DPP10: variants seen among roughly 807,000 people sequenced by gnomAD.
DPP10 encodes dipeptidyl peptidase like 10, also known as inactive dipeptidyl peptidase 10.
In DPP10, 33 loss-of-function variants were observed where a neutral mutation model predicts 120.9. That is an observed-to-expected ratio of 0.27 (90% CI 0.21 to 0.37). DPP10 has a LOEUF of 0.37. Ranked by LOEUF, DPP10 falls within the 10% of genes least tolerant of loss-of-function variation. The probability of loss-of-function intolerance (pLI) is 1.00; values close to 1 mark genes in which losing one functional copy is unlikely to be tolerated. For synonymous variants in DPP10, 337 were observed against 326.1 expected, an observed-to-expected ratio of 1.03 and a Z score of -0.36; for missense variants, 816 against 942.8, an observed-to-expected ratio of 0.87 and a Z score of 1.76.
rs566423422 is a variant in DPP10 at position 115,596,631 on chromosome 2, A to C, written c.441+70659A>C. Reference sequence around the variant, plus strand: ...ACCCCAAATGTGCAATTCTAAAGGGACAGCTCTTGTAAAACAAAGTAGAAA... The same window carrying C: ...ACCCCAAATGTGCAATTCTAAAGGGCCAGCTCTTGTAAAACAAAGTAGAAA... On this transcript the variant is annotated intron_variant, in intron 5 of 25. Transcript: ENST00000410059. Among the ~76,000 whole-genome samples the C allele has an allele frequency of 2.6e-5, 4 of 152,244 alleles. No individual in the cohort carries two copies. In the South Asian group the frequency reaches 8.3e-4, roughly 32 times the overall value.
At chr2:115,187,019 CTTTTTTTTT>C (rs147014349) in intron 1 of DPP10, among the ~76,000 whole-genome samples, 34 of 63,176 alleles carry the variant, frequency 5.4e-4, no homozygotes, top group African/African-American at 8.4e-4. Context: ...TGCAAAGATT[CTTTTTTTTT>C]TTTTTTTTTT....
At chr2:114,567,599 T>C (rs768360304) in intron 1 of DPP10, among the ~76,000 whole-genome samples, 1 of 152,198 alleles carries the variant, frequency 6.6e-6, no homozygotes, top group Non-Finnish European at 1.5e-5. Context: ...ATAATAAAAT[T>C]ACATTTTTTA....
intron 5 of DPP10, among the ~76,000 whole-genome samples, chr2:115,568,670 T>G (rs1384545064): frequency 2.0e-5 from 3 of 151,972 alleles, no homozygotes; most frequent in Non-Finnish European, 4.4e-5. Context: ...CACTCTCAAT[T>G]TTTTTTTCTT....
chr2:114,684,840 T>G (rs116283226), intron 1 of DPP10, among the ~76,000 whole-genome samples: 4,232 of 152,068 alleles, frequency 0.028, 99 homozygotes, highest in Middle Eastern at 0.058. Context: ...AGGTCTGAAT[T>G]CTGTTTTCAG....
chr2:115,574,161 C>G (rs2081517336), intron 5 of DPP10, among the ~76,000 whole-genome samples: 1 of 152,086 alleles, frequency 6.6e-6, no homozygotes, highest in Non-Finnish European at 1.5e-5. Context: ...CACCCTAGAC[C>G]CTGTCTTTCC....
At chr2:115,428,034 A>G (rs573054816) in intron 3 of DPP10, among the ~76,000 whole-genome samples, 1 of 152,290 alleles carries the variant, frequency 6.6e-6, no homozygotes, top group African/African-American at 2.4e-5. Context: ...TTAGGGCATG[A>G]ACAGAATCCA....
At chr2:114,604,865 T>C (rs1692661033) in intron 1 of DPP10, among the ~76,000 whole-genome samples, 1 of 152,112 alleles carries the variant, frequency 6.6e-6, no homozygotes, top group African/African-American at 2.4e-5. Context: ...CAGTAAGCAG[T>C]TCTGTGAGGT....
chr2:115,022,930 G>A (rs923336645), intron 1 of DPP10, among the ~76,000 whole-genome samples: 1 of 152,160 alleles, frequency 6.6e-6, no homozygotes, highest in Non-Finnish European at 1.5e-5. Flanking sequence ...ATCGTGCTGA[G>A]ATAATTGGCA....
At chr2:114,709,809 T>A (rs1309935030) in intron 1 of DPP10, among the ~76,000 whole-genome samples, 7 of 152,214 alleles carry the variant, frequency 4.6e-5, no homozygotes, top group Non-Finnish European at 1.5e-5. Flanking sequence ...TGCAGATGGA[T>A]CCCTGAAAGC....
At chr2:115,326,271 C>G (rs1222187129) in intron 2 of DPP10, among the ~76,000 whole-genome samples, 1 of 151,952 alleles carries the variant, frequency 6.6e-6, no homozygotes, top group East Asian at 1.9e-4. Flanking sequence ...AAGTTCTTAT[C>G]CCCTAGTGAC....
At chr2:115,170,501 T>C (rs1434267533) in intron 1 of DPP10, among the ~76,000 whole-genome samples, 1 of 152,188 alleles carries the variant, frequency 6.6e-6, no homozygotes, top group Non-Finnish European at 1.5e-5. Flanking sequence ...TAGTCTATAA[T>C]TTAAATTTCC....
intron 5 of DPP10, among the ~76,000 whole-genome samples, chr2:115,531,671 T>C (rs1335877990): frequency 6.6e-6 from 1 of 152,100 alleles, no homozygotes; most frequent in Non-Finnish European, 1.5e-5. Context: ...AAAATTTGTA[T>C]TGAAATATAA....
At chr2:115,833,916 A>G (rs1219426294) in intron 21 of DPP10, among the ~76,000 whole-genome samples, 2 of 152,076 alleles carry the variant, frequency 1.3e-5, no homozygotes, top group East Asian at 3.9e-4. Context: ...TGCATAGCTT[A>G]CCCCACCTTC....
At chr2:115,087,937 AC>A (rs1708863210) in intron 1 of DPP10, among the ~76,000 whole-genome samples, 1 of 152,168 alleles carries the variant, frequency 6.6e-6, no homozygotes, top group African/African-American at 2.4e-5. Context: ...GTAACAAAAT[AC>A]CATAGACTTG....
At chr2:114,632,121 C>T (rs1316512337) in intron 1 of DPP10, among the ~76,000 whole-genome samples, 1 of 152,106 alleles carries the variant, frequency 6.6e-6, no homozygotes. Flanking sequence ...TATTTTTTCT[C>T]TGTCTTTTTT....
In DPP10 at chr2:115,441,482, C is replaced by G. The variant is rs1331269585; in HGVS notation, c.272-58028C>G. Among the ~76,000 whole-genome samples the G allele has an allele frequency of 3.3e-5, 5 of 152,234 alleles. No individual in the cohort carries two copies. In the East Asian group the frequency reaches 7.7e-4, roughly 24 times the overall value. On this transcript the variant is annotated intron_variant, in intron 3 of 25. Coordinates refer to ENST00000410059, the MANE Select transcript of DPP10 (RefSeq NM_020868.6). ...CATTTGAAGTCAGATGAACTATTCT[C>G]TCTTCTGGGAATCTTTCCTACTTCT...
chr2:115,035,000 A>G (rs965003024), intron 1 of DPP10, among the ~76,000 whole-genome samples: 1 of 152,216 alleles, frequency 6.6e-6, no homozygotes, highest in African/African-American at 2.4e-5. Context: ...TGTACCACGT[A>G]AGGCCTTTCC....
intron 5 of DPP10, among the ~76,000 whole-genome samples, chr2:115,684,671 T>C (rs1315165430): frequency 6.6e-6 from 1 of 151,922 alleles, no homozygotes; most frequent in Non-Finnish European, 1.5e-5. Flanking sequence ...TACAAGCCTC[T>C]GGTTCAAGCA....
At chr2:115,441,956 C>T (rs1053285125) in intron 3 of DPP10, among the ~76,000 whole-genome samples, 5 of 151,432 alleles carry the variant, frequency 3.3e-5, no homozygotes, top group East Asian at 1.9e-4. Flanking sequence ...GCTGGGCCTA[C>T]GGGCGCACCA....
Sources: allele counts gnomAD v4.1 joint callset (sites outside exome capture counted in the v4.1 genomes callset), GRCh38; gene constraint gnomAD v4.1.1; transcripts MANE v1.5; gene names NCBI Gene and HGNC (gene_info 2026-07-23, HGNC 2026-07-21).